DNAJC5G: variants seen among roughly 807,000 people sequenced by gnomAD.
DNAJC5G encodes the protein dnaJ homolog subfamily C member 5G.
In DNAJC5G, 13 loss-of-function variants were observed where a neutral mutation model predicts 19.1. That is an observed-to-expected ratio of 0.68 (90% CI 0.44 to 1.08). DNAJC5G has a LOEUF of 1.08. DNAJC5G is among the 50% of genes least tolerant of loss of function. DNAJC5G has a pLI of 0.00. For missense variants in DNAJC5G, 245 were observed against 230.4 expected, an observed-to-expected ratio of 1.06 and a Z score of -0.41; for synonymous variants, 81 against 84.4, an observed-to-expected ratio of 0.96 and a Z score of 0.22.
intron 3 of DNAJC5G, 82 bp downstream of exon 3, chr2:27,276,923 C>CTTT (rs574019537): frequency 8.4e-4 from 430 of 514,764 alleles, no homozygotes; most frequent in East Asian, 3.4e-3. Context: ...CTATCTGACT[C>CTTT]TTTTTTTTTT....
intron 5 of DNAJC5G, among the ~76,000 whole-genome samples, chr2:27,279,851 AGG>A (rs1437993964): frequency 6.0e-5 from 9 of 150,528 alleles, no homozygotes; most frequent in Non-Finnish European, 1.3e-4. Context: ...TGAGTCTGGG[AGG>A]TTGAGGTTAC....
Position 27,276,783 on chromosome 2 carries a change from T to C in DNAJC5G, c.55T>C (p.Tyr19His). Residue 19 changes from tyrosine (Y) to histidine (H), a missense_variant, in exon 3 of 7, where the codon TAT becomes CAT. Coordinates refer to ENST00000296097, the MANE Select transcript of DNAJC5G (RefSeq NM_173650.3). ...GCTGTCCAAAAGTGAGATGAGCCTCTATGCAGTGCTGGATCTTAAGAAGGG... is the reference window on the plus strand; with the variant it reads ...GCTGTCCAAAAGTGAGATGAGCCTCCATGCAGTGCTGGATCTTAAGAAGGG... ...HRLSKSEMSL[Y>H]AVLDLKKGAS... is the part of the protein sequence containing the mutation. 6.2e-7 allele frequency: 1 copy of C among 1,614,146 alleles called. No individual in the cohort carries two copies. The highest frequency in any genetic ancestry group is 1.6e-4 in the Middle Eastern group (1 of 6,062).
intron 5 of DNAJC5G, among the ~76,000 whole-genome samples, chr2:27,279,444 A>G (rs529223441): frequency 1.3e-5 from 2 of 152,244 alleles, no homozygotes; most frequent in South Asian, 4.1e-4. Flanking sequence ...AGCTGGGATT[A>G]CTAAAAAATT....
In DNAJC5G at chr2:27,276,856, C is replaced by A. The variant is rs773775819; in HGVS notation, c.113+15C>A. 1 of 1,606,068 alleles carries A rather than the reference C, an allele frequency of 6.2e-7. No homozygotes were observed. The highest frequency in any genetic ancestry group is 2.2e-5 in the East Asian group (1 of 44,842). On this transcript the variant is annotated intron_variant, in intron 3 of 6. Transcript: ENST00000296097. ...AAATCCTACAGGTTCAGACCTCAGC[C>A]CTTTATTGATCCTTGGAATTTCCCC...
In DNAJC5G at chr2:27,278,015, G is replaced by A; in HGVS notation, c.375G>A (p.Lys125=). The part of the protein sequence containing the change: ...YYFILNSCWF[K]TLVILCTLLT... Reference sequence around the variant, plus strand: ...TTATTCTGAATAGTTGTTGGTTCAAGGTACACAATTCTCCAGGTCCTTTAA... The same window carrying A: ...TTATTCTGAATAGTTGTTGGTTCAAAGTACACAATTCTCCAGGTCCTTTAA... Residue 125 remains lysine, a splice_region_variant and synonymous_variant, in exon 4 of 7, where the codon AAG becomes AAA. Transcript: ENST00000296097. 2 of 1,613,640 alleles carry A rather than the reference G, an allele frequency of 1.2e-6. No homozygotes were observed. Among genetic ancestry groups the A allele is most frequent in the Non-Finnish European group, 1.7e-6 (2 of 1,179,708 alleles).
In DNAJC5G at chr2:27,280,180, T is replaced by C; in HGVS notation, c.535T>C (p.Phe179Leu). The change falls in exon 6 of 7, where the codon TTT becomes CTT. Residue 179 changes from phenylalanine to leucine, a missense_variant. Phe to Leu is a conservative substitution (Grantham distance 22, BLOSUM62 0). Coordinates refer to ENST00000296097, the MANE Select transcript of DNAJC5G (RefSeq NM_173650.3). ...TTCCATCATAGGAGCCAAATGTGATTTTAGAAGCGAGGAAAATAGCGAAGA... is the reference window on the plus strand; with the variant it reads ...TTCCATCATAGGAGCCAAATGTGATCTTAGAAGCGAGGAAAATAGCGAAGA... ...QPPRSGAKCD[F>L]RSEENSEDDF 2.5e-6 allele frequency: 4 copies of C among 1,614,002 alleles called. No homozygotes were observed. Among genetic ancestry groups the C allele is most frequent in the Non-Finnish European group, 3.4e-6 (4 of 1,179,944 alleles).
At chr2:27,278,452 G>C (rs557406371) in intron 5 of DNAJC5G, 120 bp downstream of exon 5, 1 of 1,418,588 alleles carries the variant, frequency 7.0e-7, no homozygotes. Flanking sequence ...AGGGTGAGGC[G>C]GGTGGATCAC....
rs961327346 is a variant in DNAJC5G at position 27,275,543 on chromosome 2, A to G, written c.-296A>G. 6.2e-6 allele frequency: 2 copies of G among 320,592 alleles called. No homozygotes were observed. The highest frequency in any genetic ancestry group is 4.3e-5 in the African/African-American group (2 of 46,116). The allele number at this position is 320,592 out of a possible 1,614,324, so 19.9% of individuals were successfully genotyped here. On this transcript the variant is annotated 5_prime_UTR_variant, in exon 1 of 7. Coordinates refer to ENST00000296097, the MANE Select transcript of DNAJC5G (RefSeq NM_173650.3). ...AAGGGCACCCACCTGGCTTAAGAGA[A>G]CGACTCCCAGGTAAAGGGCCAGACC...
Position 27,278,330 on chromosome 2 carries a change from C to A in DNAJC5G, c.518C>A (p.Ser173Ter), listed in dbSNP as rs868848515. Residue 173 changes from serine (S) to a stop codon, truncating the protein, a stop_gained and splice_region_variant, in exon 5 of 7, where the codon TCA becomes TAA. Transcript: ENST00000296097. LOFTEE classifies it high-confidence loss of function. ...AATGTCCAGAGTCAGCCTCCAAGGT[C>A]AGGTGAGAACTGCAAGCAGGGACTG... ...QQNVQSQPPR[S>*]GAKCDFRSEE... The A allele has an allele frequency of 5.0e-6, 8 of 1,613,848 alleles. No individual in the cohort carries two copies. In the African/African-American group the frequency reaches 1.1e-4, roughly 22 times the overall value.
chr2:27,275,886 C>T lies in DNAJC5G; in HGVS notation c.-285-220C>T, dbSNP rs1359739297. ...TCCCCACCCCCGCCCCCGCCCCCGC[C>T]CCCGCCCCCGCCAGGCTCTAGGACA... On this transcript the variant is annotated intron_variant, in intron 1 of 6. Transcript: ENST00000296097. 1.3e-5 allele frequency: 2 copies of T among 149,786 alleles called. 1 individual carries two copies. Among genetic ancestry groups the T allele is most frequent in the African/African-American group, 5.0e-5 (2 of 39,902 alleles). 9.3% of individuals were successfully genotyped at this position (149,786 alleles called of 1,614,324 possible).
intron 3 of DNAJC5G, among the ~76,000 whole-genome samples, chr2:27,277,179 T>G (rs1205120991): frequency 6.6e-6 from 1 of 150,950 alleles, no homozygotes; most frequent in African/African-American, 2.4e-5. Flanking sequence ...TGACCTCAGG[T>G]GATCTACCTG....
chr2:27,276,610 G>C, intron 2 of DNAJC5G, 116 bp from the exon 3 acceptor site: 1 of 785,610 alleles, frequency 1.3e-6, no homozygotes, highest in Non-Finnish European at 2.0e-6. Flanking sequence ...TTGTCCTTCT[G>C]TCATCGTTTA....
rs151264953 is a variant in DNAJC5G, at chr2:27,276,757, G to A, written c.29G>A (p.Arg10Gln). The change falls in exon 3 of 7, where the codon CGG (arginine) becomes CAG (glutamine). Residue 10 changes from arginine to glutamine, a missense_variant. By Grantham distance (43) the Arg-to-Gln change is conservative (BLOSUM62 1). Transcript: ENST00000296097. The part of the protein sequence containing the change: MSTVKEAAH[R>Q]LSKSEMSLYA... ...TCTACTGTGAAGGAAGCAGCACACC[G>A]GCTGTCCAAAAGTGAGATGAGCCTC... 2.7e-5 allele frequency: 43 copies of A among 1,613,776 alleles called. No homozygotes were observed. The highest frequency in any genetic ancestry group is 3.3e-4 in the Middle Eastern group (2 of 6,070).
intron 5 of DNAJC5G, 84 bp from the exon 6 acceptor site, chr2:27,280,082 G>A: frequency 7.5e-7 from 1 of 1,336,062 alleles, no homozygotes; most frequent in South Asian, 1.2e-5. Flanking sequence ...ATGAGTAACT[G>A]CAAGGTAACG....
Position 27,275,506 on chromosome 2 carries a change from C to A in DNAJC5G, c.-333C>A. ...GACCCGGCCGGTGTGAAGTTTCACA[C>A]CCAAAAGGATGAAGGGCACCCACCT... On this transcript the variant is annotated 5_prime_UTR_variant, in exon 1 of 7. Transcript: ENST00000296097. 1 of 331,282 alleles carries A rather than the reference C, an allele frequency of 3.0e-6. No homozygotes were observed. The highest frequency in any genetic ancestry group is 5.9e-6 in the Non-Finnish European group (1 of 168,120). 20.5% of individuals were successfully genotyped at this position (331,282 alleles called of 1,614,324 possible). A position where few individuals can be genotyped will look rare whatever the true frequency, so the allele number is the denominator to read the frequency against.
chr2:27,279,004 C>CAAAAAAA (rs1227842823), intron 5 of DNAJC5G, among the ~76,000 whole-genome samples: 2 of 56,832 alleles, frequency 3.5e-5, no homozygotes, highest in Admixed American at 1.9e-4. Flanking sequence ...GACTCCATCT[C>CAAAAAAA]AAAAAAAAAA....
chr2:27,278,111 A>C, intron 4 of DNAJC5G, 77 bp from the exon 5 acceptor site: 1 of 1,610,234 alleles, frequency 6.2e-7, no homozygotes, highest in Non-Finnish European at 8.5e-7. Context: ...TCTGGGTGCC[A>C]GGAGGATTGA....
intron 5 of DNAJC5G, among the ~76,000 whole-genome samples, chr2:27,279,479 T>G (rs894964770): frequency 6.6e-6 from 1 of 152,120 alleles, no homozygotes; most frequent in African/African-American, 2.4e-5. Context: ...TTATTTTTAG[T>G]AGAGTCAGGG....
intron 6 of DNAJC5G, 35 bp downstream of exon 6, chr2:27,280,268 T>C: frequency 6.4e-7 from 1 of 1,569,496 alleles, no homozygotes; most frequent in Non-Finnish European, 8.8e-7. Context: ...AGTTATCAGA[T>C]AAGAAAAGCA....
Sources: allele counts gnomAD v4.1 joint callset (sites outside exome capture counted in the v4.1 genomes callset), GRCh38; gene constraint gnomAD v4.1.1; transcripts MANE v1.5; gene names NCBI Gene and HGNC (gene_info 2026-07-23, HGNC 2026-07-21).